Variants in FRAS1 observed in about 807,000 individuals in gnomAD.
FRAS1 encodes extracellular matrix organizing protein FRAS1.
Under a neutral mutation model 435.2 loss-of-function variants are expected in FRAS1, and 290 were observed. That is an observed-to-expected ratio of 0.67 (90% CI 0.61 to 0.73). The LOEUF (loss-of-function observed/expected upper bound fraction) is 0.73, where lower values mean the gene tolerates loss of function less well. Among genes scored for constraint, FRAS1 ranks in the 30% least tolerant of loss-of-function variants. The pLI, the probability that FRAS1 is intolerant of heterozygous loss-of-function variation, is 0.00. For missense variants in FRAS1, 4,860 were observed against 5,001.5 expected (o/e 0.97, Z 0.85); for synonymous variants, 1,800 against 1,851.0 (o/e 0.97, Z 0.71).
intron 72 of FRAS1, among the ~76,000 whole-genome samples, chr4:78,538,730 G>A (rs928907022): frequency 7.2e-5 from 11 of 152,076 alleles, no homozygotes; most frequent in East Asian, 3.9e-4. Context: ...CGAGGTGGGC[G>A]GATCACGAGG....
chr4:78,399,535 C>T (rs1463592846), intron 29 of FRAS1, among the ~76,000 whole-genome samples: 1 of 152,098 alleles, frequency 6.6e-6, no homozygotes, highest in Non-Finnish European at 1.5e-5. Context: ...AGGGTTTGTG[C>T]CTTGCAAAGC....
chr4:78,433,818 A>G (rs976428075), intron 38 of FRAS1, among the ~76,000 whole-genome samples: 4 of 152,246 alleles, frequency 2.6e-5, no homozygotes, highest in Admixed American at 6.5e-5. Context: ...TTCACAGTCC[A>G]AAATAGCGCT....
At chr4:78,540,478 C>A in intron 73 of FRAS1, 53 bp from the exon 74 acceptor site, 1 of 1,207,074 alleles carries the variant, frequency 8.3e-7, no homozygotes, top group Non-Finnish European at 1.1e-6. Flanking sequence ...CATTTCCTTT[C>A]TTCAGAGGTG....
intron 2 of FRAS1, among the ~76,000 whole-genome samples, chr4:78,121,913 G>A (rs1311208331): frequency 6.6e-6 from 1 of 152,194 alleles, no homozygotes; most frequent in African/African-American, 2.4e-5. Flanking sequence ...CAGGATACAT[G>A]TTTGTTTTAG....
chr4:78,166,747 C>T (rs1168935536), intron 2 of FRAS1, among the ~76,000 whole-genome samples: 1 of 152,198 alleles, frequency 6.6e-6, no homozygotes, highest in Non-Finnish European at 1.5e-5. Context: ...CTCCCAGCCT[C>T]TCTTGTGGTT....
intron 70 of FRAS1, among the ~76,000 whole-genome samples, chr4:78,527,160 T>C (rs1721561463): frequency 6.6e-6 from 1 of 152,192 alleles, no homozygotes; most frequent in Non-Finnish European, 1.5e-5. Context: ...CAGAGGCTCA[T>C]AGGAATCTAA....
chr4:78,510,028 C>G (rs1308289229), intron 63 of FRAS1, among the ~76,000 whole-genome samples: 1 of 152,286 alleles, frequency 6.6e-6, no homozygotes, highest in South Asian at 2.1e-4. Context: ...CATACCCACT[C>G]TCTTTGGCAC....
At chr4:78,476,395 CAACTT>C (rs1427150362) in intron 54 of FRAS1, among the ~76,000 whole-genome samples, 2 of 149,500 alleles carry the variant, frequency 1.3e-5, no homozygotes, top group African/African-American at 4.9e-5. Context: ...CTTAAATAGT[CAACTT>C]AAATAGTCAA....
chr4:78,299,432 G>A (rs760660377), intron 14 of FRAS1, among the ~76,000 whole-genome samples: 2 of 152,276 alleles, frequency 1.3e-5, no homozygotes, highest in Admixed American at 6.5e-5. Flanking sequence ...GCATGGTGTC[G>A]GGTGGAGATT....
chr4:78,456,846 A>G (rs17003255), intron 47 of FRAS1, among the ~76,000 whole-genome samples: 4,876 of 152,304 alleles, frequency 0.032, 283 homozygotes, highest in African/African-American at 0.11. Context: ...ATCTAATCCT[A>G]AGTCTGAATC....
chr4:78,299,919 A>G (rs941840029), intron 14 of FRAS1, among the ~76,000 whole-genome samples: 1 of 152,206 alleles, frequency 6.6e-6, no homozygotes, highest in Non-Finnish European at 1.5e-5. Flanking sequence ...CCTGTGGCTT[A>G]CCTGTGGCCA....
intron 15 of FRAS1, among the ~76,000 whole-genome samples, chr4:78,313,292 C>T (rs1462781510): frequency 6.6e-6 from 1 of 152,164 alleles, no homozygotes. Context: ...ATTGCCATAG[C>T]CCATTCTCTT....
At chr4:78,311,171 TTC>T (rs1450613171) in intron 15 of FRAS1, among the ~76,000 whole-genome samples, 1 of 151,926 alleles carries the variant, frequency 6.6e-6, no homozygotes, top group Non-Finnish European at 1.5e-5. Context: ...TTTTTTTCCT[TTC>T]TCTTTCTTCC....
chr4:78,339,635 T>A (rs1289638123), intron 20 of FRAS1, among the ~76,000 whole-genome samples: 1 of 152,202 alleles, frequency 6.6e-6, no homozygotes, highest in Non-Finnish European at 1.5e-5. Context: ...CCAGCAGGTA[T>A]AGCACGTGGG....
At chr4:78,393,600 A>T (rs1290395345) in intron 29 of FRAS1, among the ~76,000 whole-genome samples, 1 of 152,080 alleles carries the variant, frequency 6.6e-6, no homozygotes, top group Non-Finnish European at 1.5e-5. Flanking sequence ...TATTGTTGCA[A>T]ATAGCAGGAT....
In FRAS1 at chr4:78,430,254, G is replaced by T. The variant is rs148093143; in HGVS notation, c.4844-38G>T. 252 of 1,612,624 alleles carry T rather than the reference G, an allele frequency of 1.6e-4. 1 individual carries two copies. In the African/African-American group the frequency reaches 2.8e-3, roughly 18 times the overall value. Reference sequence around the variant, plus strand: ...ATATAGTCTATCGTCTTTAACATACGCTTTCTCTCTCACCACGCTTCCTTC... The same window carrying T: ...ATATAGTCTATCGTCTTTAACATACTCTTTCTCTCTCACCACGCTTCCTTC... On this transcript the variant is annotated intron_variant, in intron 36 of 73. Transcript: ENST00000512123.
At chr4:78,115,045 G>T (rs962884552) in intron 2 of FRAS1, among the ~76,000 whole-genome samples, 11 of 152,036 alleles carry the variant, frequency 7.2e-5, no homozygotes, top group Non-Finnish European at 8.8e-5. Context: ...ATGAAGGATT[G>T]TTGAATTTTG....
chr4:78,281,411 C>T lies in FRAS1; in HGVS notation c.1085C>T (p.Ala362Val), dbSNP rs756157869. 2.5e-6 allele frequency: 4 copies of T among 1,576,700 alleles called. No homozygotes were observed. Among genetic ancestry groups the T allele is most frequent in the Middle Eastern group, 1.7e-4 (1 of 5,976 alleles). The change falls in exon 11 of 74, where the codon GCT becomes GTT. Residue 362 changes from alanine to valine, a missense_variant. Physicochemically the swap from Ala to Val is moderately conservative, Grantham distance 64. Coordinates refer to ENST00000512123, the MANE Select transcript of FRAS1 (RefSeq NM_025074.7). ...CTTTGTTCCTAGATGTCATCAAATG[C>T]TAGTGAAGTTAAACGTATTCCAGTA... ...EETGEFMSSN[A>V]SEVKRIPEGE...
At chr4:78,518,439 T>C (rs1376145624) in intron 66 of FRAS1, among the ~76,000 whole-genome samples, 1 of 121,452 alleles carries the variant, frequency 8.2e-6, no homozygotes, top group Non-Finnish European at 1.8e-5. Flanking sequence ...TATATATATA[T>C]ATATATATAT....
Sources: allele counts gnomAD v4.1 joint callset (sites outside exome capture counted in the v4.1 genomes callset), GRCh38; gene constraint gnomAD v4.1.1; transcripts MANE v1.5; gene names NCBI Gene and HGNC (gene_info 2026-07-23, HGNC 2026-07-21).